ISL1: variants seen among roughly 807,000 people sequenced by gnomAD.
ISL1 encodes the protein ISL LIM homeobox 1.
Under a neutral mutation model 35.3 loss-of-function variants are expected in ISL1, and 4 were observed. The ratio of observed to expected loss-of-function variants is 0.11; its 90% CI spans 0.06 to 0.26. The LOEUF (loss-of-function observed/expected upper bound fraction) is 0.26. Ranked by LOEUF, ISL1 falls within the 10% of genes least tolerant of loss-of-function variation. The pLI is 1.00. For missense variants in ISL1, 340 were observed against 472.8 expected, an observed-to-expected ratio of 0.72 and a Z score of 2.60; for synonymous variants, 186 against 172.3, an observed-to-expected ratio of 1.08 and a Z score of -0.62.
rs1747408046 is a variant in ISL1 at position 51,388,538 on chromosome 5, C to T, written c.478+789C>T. The stretch of plus-strand genomic sequence containing the variant: ...TATCATGTAGATAAGAGGACTCATT[C>T]CCAAGGAAGAGGAGTGGAAACACAG... On this transcript the variant is annotated intron_variant, in intron 3 of 5. Coordinates refer to ENST00000230658, the MANE Select transcript of ISL1 (RefSeq NM_002202.3). Among the ~76,000 whole-genome samples the T allele has an allele frequency of 5.3e-5, 8 of 152,122 alleles. No homozygotes were observed. The South Asian group carries it at 1.7e-3, about 31-fold the overall frequency.
intron 5 of ISL1, among the ~76,000 whole-genome samples, chr5:51,392,706 G>A (rs1200020750): frequency 6.6e-6 from 1 of 152,186 alleles, no homozygotes; most frequent in Non-Finnish European, 1.5e-5. Flanking sequence ...AGGCTTCAGG[G>A]CAGCCAAATG....
rs1747533795 is a variant in ISL1, at chr5:51,392,273, A to G, written c.933+832A>G. 2.0e-5 allele frequency among the ~76,000 whole-genome samples: 3 copies of G among 152,312 alleles called. 1 individual carries two copies. The highest frequency in any genetic ancestry group is 7.2e-5 in the African/African-American group (3 of 41,574). ...CAAGATAAATAAGAACAATAAATATATGTCCTTTGTAATATGCTATATTTA... is the reference window on the plus strand; with the variant it reads ...CAAGATAAATAAGAACAATAAATATGTGTCCTTTGTAATATGCTATATTTA... On this transcript the variant is annotated intron_variant, in intron 5 of 5. Coordinates refer to ENST00000230658, the MANE Select transcript of ISL1 (RefSeq NM_002202.3).
In ISL1 at chr5:51,387,501, T is replaced by A; in HGVS notation, c.230T>A (p.Ile77Asn). The A allele has an allele frequency of 2.5e-6, 4 of 1,614,084 alleles. No individual in the cohort carries two copies. The highest frequency in any genetic ancestry group is 3.4e-6 in the Non-Finnish European group (4 of 1,179,994). ...CKRDYIRLYG[I>N]KCAKCSIGFS... ...CCTCCCCCGCACAGGTTGTACGGGA[T>A]CAAATGCGCCAAGTGCAGCATCGGC... The change falls in exon 3 of 6, where the codon ATC (isoleucine) becomes AAC (asparagine). Residue 77 changes from isoleucine to asparagine, a missense_variant. This residue lies in a region of ISL1 where 70 missense variants were observed against 130.3 expected (regional missense o/e 0.54). Transcript: ENST00000230658. The surrounding 1 kb of genome is among the most constrained non-coding windows in gnomAD (Gnocchi z 4.3).
intron 2 of ISL1, 50 bp downstream of exon 2, chr5:51,384,780 C>G (rs769805341): frequency 2.7e-5 from 40 of 1,503,306 alleles, no homozygotes; most frequent in Non-Finnish European, 3.6e-5. Flanking sequence ...CCCTGAATCT[C>G]CCCACTCTTT....
chr5:51,390,821 G>A (rs1176237409), intron 4 of ISL1, among the ~76,000 whole-genome samples: 2 of 151,524 alleles, frequency 1.3e-5, no homozygotes, highest in African/African-American at 4.8e-5. Flanking sequence ...GCTTTGGGGG[G>A]ATGGAGTGGG....
chr5:51,384,049 A>T (rs1357378608), intron 1 of ISL1, among the ~76,000 whole-genome samples: 1 of 152,180 alleles, frequency 6.6e-6, no homozygotes, highest in Non-Finnish European at 1.5e-5. Context: ...AATTAGCATT[A>T]GACTTGCAAA....
At chr5:51,388,255 A>T (rs1372647222) in intron 3 of ISL1, among the ~76,000 whole-genome samples, 2 of 151,920 alleles carry the variant, frequency 1.3e-5, no homozygotes, top group Non-Finnish European at 2.9e-5. Context: ...TTTTTTTTTA[A>T]TTTTTTTATC....
In ISL1 at chr5:51,389,984, G is replaced by A. The variant is rs777054397; in HGVS notation, c.765+52G>A. On this transcript the variant is annotated intron_variant, in intron 4 of 5. Transcript: ENST00000230658. This position sits in a 1 kb window ranked among gnomAD's most constrained non-coding sequence, Gnocchi z 5.0. ...AATGCGAGGGGGAAGGAGACGCAGC[G>A]TGCGAGGTGCGTTCCTGGTACGCAG... The A allele has an allele frequency of 1.3e-6, 2 of 1,584,732 alleles. No homozygotes were observed. Among genetic ancestry groups the A allele is most frequent in the Non-Finnish European group, 8.6e-7 (1 of 1,158,282 alleles).
At chr5:51,384,473 CACTAAAAGTGTGTTTATCTCTGTAGGA>C in intron 1 of ISL1, 41 bp from the exon 2 acceptor site, 1 of 1,408,864 alleles carries the variant, frequency 7.1e-7, no homozygotes. Context: ...AAGAGAACGA[CACTAAAAGTGTGTTTATCTCTGTAGGA>C]AGTAAACGGT....
chr5:51,385,634 C>A (rs1317318540), intron 2 of ISL1, among the ~76,000 whole-genome samples: 2 of 150,738 alleles, frequency 1.3e-5, no homozygotes, highest in Non-Finnish European at 2.9e-5. Flanking sequence ...TCTCAAGTTT[C>A]CTCTGACTTG....
chr5:51,384,797 T>C, intron 2 of ISL1, 67 bp downstream of exon 2: 1 of 1,436,764 alleles, frequency 7.0e-7, no homozygotes, highest in Admixed American at 1.7e-5. Context: ...CTTTATGTAT[T>C]ATTTGGTGTG....
chr5:51,384,423 G>T, intron 1 of ISL1, 118 bp from the exon 2 acceptor site: 23 of 746,882 alleles, frequency 3.1e-5, no homozygotes, highest in Non-Finnish European at 4.2e-5. Context: ...AAAAAAGAAA[G>T]AAAGAAAGAA....
intron 2 of ISL1, 55 bp downstream of exon 2, chr5:51,384,785 C>T (rs1747303251): frequency 6.7e-7 from 1 of 1,482,014 alleles, no homozygotes; most frequent in African/African-American, 1.4e-5. Flanking sequence ...AATCTCCCCA[C>T]TCTTTATGTA....
chr5:51,393,400 A>G, intron 5 of ISL1, 94 bp from the exon 6 acceptor site: 1 of 794,568 alleles, frequency 1.3e-6, no homozygotes, highest in South Asian at 1.4e-5. Context: ...ATCTATCTAC[A>G]CAAACATTTC....
chr5:51,386,477 A>G (rs1463763569), intron 2 of ISL1: 1 of 429,214 alleles, frequency 2.3e-6, no homozygotes, highest in Non-Finnish European at 4.6e-6. Flanking sequence ...TCCTTGGAGA[A>G]GCAGGATGCC....
intron 1 of ISL1, among the ~76,000 whole-genome samples, chr5:51,383,994 TTA>T (rs1436985281): frequency 1.3e-5 from 2 of 152,102 alleles, no homozygotes; most frequent in Non-Finnish European, 2.9e-5. Flanking sequence ...GAGAAGGTTA[TTA>T]TGTTGCAAAG....
chr5:51,384,831 C>A, intron 2 of ISL1, 101 bp downstream of exon 2: 1 of 1,181,680 alleles, frequency 8.5e-7, no homozygotes, highest in Non-Finnish European at 1.3e-6. Context: ...GTGAAGTTTG[C>A]CTCAGTGTAG....
Position 51,389,340 on chromosome 5 carries a change from C to T in ISL1, c.479-306C>T, listed in dbSNP as rs1747426221. 6.6e-6 allele frequency among the ~76,000 whole-genome samples: 1 copy of T among 152,158 alleles called. No homozygotes were observed. The highest frequency in any genetic ancestry group is 1.5e-5 in the Non-Finnish European group (1 of 68,032). On this transcript the variant is annotated intron_variant, in intron 3 of 5. Coordinates refer to ENST00000230658, the MANE Select transcript of ISL1 (RefSeq NM_002202.3). This position sits in a 1 kb window ranked among gnomAD's most constrained non-coding sequence, Gnocchi z 5.0. Reference sequence around the variant, plus strand: ...AGACTTTGAGACCTGCTTCCCTTGGCTAACACTTTGTTGACACGAGGAGGG... The same window carrying T: ...AGACTTTGAGACCTGCTTCCCTTGGTTAACACTTTGTTGACACGAGGAGGG...
chr5:51,391,569 G>A, intron 5 of ISL1, 128 bp downstream of exon 5: 1 of 1,028,942 alleles, frequency 9.7e-7, no homozygotes, highest in Non-Finnish European at 1.5e-6. Flanking sequence ...AAACCAAGGA[G>A]GTGGGTAATG....
Sources: allele counts gnomAD v4.1 joint callset (sites outside exome capture counted in the v4.1 genomes callset), GRCh38; gene constraint gnomAD v4.1.1; regional missense constraint gnomAD v4.1.1; non-coding constraint Gnocchi (gnomAD v3.1); transcripts MANE v1.5; gene names NCBI Gene and HGNC (gene_info 2026-07-23, HGNC 2026-07-21).